KAZN: variants seen among roughly 807,000 people sequenced by gnomAD.
The protein encoded by KAZN is kazrin, periplakin interacting protein, also known as kazrin.
A neutral mutation model predicts 87.4 loss-of-function variants in KAZN; 40 were observed. That is an observed-to-expected ratio of 0.46 (90% CI 0.36 to 0.60). The LOEUF is 0.60. Ranked by LOEUF, KAZN falls within the 20% of genes least tolerant of loss-of-function variation. The pLI, the probability that KAZN is intolerant of heterozygous loss-of-function variation, is 0.00. For synonymous variants in KAZN, 466 were observed against 458.3 expected, an observed-to-expected ratio of 1.02 and a Z score of -0.22; for missense variants, 898 against 1,073.9, an observed-to-expected ratio of 0.84 and a Z score of 2.29.
At chr1:14,409,155 C>T (rs1664100131) in intron 2 of KAZN, among the ~76,000 whole-genome samples, 1 of 152,064 alleles carries the variant, frequency 6.6e-6, no homozygotes, top group Non-Finnish European at 1.5e-5. Flanking sequence ...AAATGTTTGA[C>T]AAAATACAGT....
chr1:14,950,055 G>C (rs1361932860), intron 1 of KAZN, among the ~76,000 whole-genome samples: 2 of 152,014 alleles, frequency 1.3e-5, no homozygotes, highest in Non-Finnish European at 1.5e-5. Context: ...AAGGACAAAG[G>C]CTGTATTACC....
chr1:13,928,613 A>C (rs1640374551), intron 1 of KAZN, among the ~76,000 whole-genome samples: 1 of 152,212 alleles, frequency 6.6e-6, no homozygotes, highest in Non-Finnish European at 1.5e-5. Context: ...TGTGTGATTA[A>C]CATAATAAAA....
intron 1 of KAZN, among the ~76,000 whole-genome samples, chr1:14,857,056 C>T (rs565743377): frequency 6.6e-6 from 1 of 152,308 alleles, no homozygotes; most frequent in South Asian, 2.1e-4. Flanking sequence ...AAGCCAACCA[C>T]GCGTGAAGGT....
intron 1 of KAZN, among the ~76,000 whole-genome samples, chr1:14,671,924 G>T (rs753458611): frequency 6.6e-6 from 1 of 152,120 alleles, no homozygotes; most frequent in Non-Finnish European, 1.5e-5. Flanking sequence ...TCCCATTAGC[G>T]CAAGCCTCTG....
intron 1 of KAZN, among the ~76,000 whole-genome samples, chr1:14,761,258 A>T (rs958035440): frequency 5.3e-5 from 8 of 152,152 alleles, no homozygotes; most frequent in African/African-American, 1.9e-4. Context: ...GCTCCTGCTC[A>T]TCACTCAAGT....
At chr1:13,991,155 G>C (rs1035360696) in intron 1 of KAZN, among the ~76,000 whole-genome samples, 1 of 152,012 alleles carries the variant, frequency 6.6e-6, no homozygotes, top group Non-Finnish European at 1.5e-5. Context: ...GTGAAGGGCA[G>C]CGAGGCTTCT....
chr1:14,421,589 C>G (rs1665431835), intron 2 of KAZN, among the ~76,000 whole-genome samples: 1 of 152,102 alleles, frequency 6.6e-6, no homozygotes, highest in African/African-American at 2.4e-5. Flanking sequence ...AGCATGTTTC[C>G]CAAACCAAAG....
At chr1:14,924,092 A>G in intron 1 of KAZN, 1 of 972,802 alleles carries the variant, frequency 1.0e-6, no homozygotes, top group Non-Finnish European at 1.2e-6. Flanking sequence ...GGCAGTCGCC[A>G]GCCCGGAAGG....
chr1:15,089,397 C>T (rs140625298), intron 8 of KAZN, among the ~76,000 whole-genome samples: 301 of 151,518 alleles, frequency 2.0e-3, no homozygotes, highest in Non-Finnish European at 3.2e-3. Context: ...CAGTGAATTT[C>T]TGCCCTGCCA....
intron 1 of KAZN, among the ~76,000 whole-genome samples, chr1:14,914,950 G>A (rs1455480945): frequency 1.3e-5 from 2 of 152,168 alleles, no homozygotes; most frequent in Admixed American, 6.5e-5. Flanking sequence ...CAGCACTTTG[G>A]GAGGCTGAGG....
intron 1 of KAZN, among the ~76,000 whole-genome samples, chr1:14,027,491 C>T (rs572557660): frequency 6.6e-6 from 1 of 152,220 alleles, no homozygotes; most frequent in East Asian, 1.9e-4. Context: ...TTCTGCCCCC[C>T]CGCCACCTCC....
intron 1 of KAZN, among the ~76,000 whole-genome samples, chr1:14,678,102 A>T (rs1640344008): frequency 6.6e-6 from 1 of 152,080 alleles, no homozygotes; most frequent in Non-Finnish European, 1.5e-5. Context: ...TGGACTGAAG[A>T]TGCAAAGTAT....
intron 1 of KAZN, among the ~76,000 whole-genome samples, chr1:14,156,676 G>A (rs756517813): frequency 1.4e-4 from 21 of 152,030 alleles, no homozygotes; most frequent in Non-Finnish European, 2.5e-4. Context: ...TTTGGTTTCC[G>A]TCGGCATGAA....
intron 1 of KAZN, among the ~76,000 whole-genome samples, chr1:13,984,120 C>T (rs966767104): frequency 1.4e-4 from 22 of 152,218 alleles, no homozygotes; most frequent in Middle Eastern, 3.4e-3. Flanking sequence ...ACGCAATTCT[C>T]CAGCCTCAGC....
rs149167225 is a variant in KAZN at position 14,475,856 on chromosome 1, C to T, written c.250-123127C>T. 6.6e-5 allele frequency among the ~76,000 whole-genome samples: 10 copies of T among 151,860 alleles called. 1 individual carries two copies. The highest frequency in any genetic ancestry group is 6.2e-4 in the South Asian group (3 of 4,818). On this transcript the variant is annotated intron_variant, in intron 2 of 16. Coordinates refer to the KAZN transcript ENST00000636203. ...ATTTTGTGGGATTTTTTTTTTAATT[C>T]CTGTCTTCTCAGATAGTCTGAGAAA...
At position 14,285,118 on chromosome 1, in the gene KAZN, C is replaced by T. The variant is rs1309662824; in HGVS notation, c.249+104526C>T. Among the ~76,000 whole-genome samples, 10 of 152,294 alleles carry T rather than the reference C, an allele frequency of 6.6e-5. No homozygotes were observed. In the East Asian group the frequency reaches 1.9e-3, roughly 29 times the overall value. ...ACCACTGATTACCTGTGACCTGAGGCCTAATCTCTCTCTGTCTCAAGTGCC... is the reference window on the plus strand; with the variant it reads ...ACCACTGATTACCTGTGACCTGAGGTCTAATCTCTCTCTGTCTCAAGTGCC... On this transcript the variant is annotated intron_variant, in intron 2 of 16. Coordinates refer to the KAZN transcript ENST00000636203.
At chr1:14,891,604 T>A (rs914488443) in intron 1 of KAZN, among the ~76,000 whole-genome samples, 1 of 152,224 alleles carries the variant, frequency 6.6e-6, no homozygotes, top group South Asian at 2.1e-4. Context: ...CTGTATTTAT[T>A]TACATGGGAA....
chr1:14,130,217 G>A (rs1190491612), intron 1 of KAZN, among the ~76,000 whole-genome samples: 1 of 152,094 alleles, frequency 6.6e-6, no homozygotes, highest in Admixed American at 6.6e-5. Context: ...CTCTGAGCAT[G>A]GTATTGTGGT....
At chr1:14,545,002 G>A (rs947645111) in intron 2 of KAZN, among the ~76,000 whole-genome samples, 1 of 152,102 alleles carries the variant, frequency 6.6e-6, no homozygotes, top group African/African-American at 2.4e-5. Flanking sequence ...CCACACTCGG[G>A]TGTATGCAGG....
Sources: allele counts gnomAD v4.1 joint callset (sites outside exome capture counted in the v4.1 genomes callset), GRCh38; gene constraint gnomAD v4.1.1; transcripts MANE v1.5; gene names NCBI Gene and HGNC (gene_info 2026-07-23, HGNC 2026-07-21).